The following GFRA1 variants were observed in gnomAD, a reference collection of about 807,000 sequenced individuals.
The protein encoded by GFRA1 is GDNF family receptor alpha-1.
Under a neutral mutation model 51.6 loss-of-function variants are expected in GFRA1, and 16 were observed. The observed-to-expected ratio is 0.31, with a 90% CI of 0.21 to 0.47. GFRA1 has a LOEUF of 0.47. Among genes scored for constraint, GFRA1 ranks in the 20% least tolerant of loss-of-function variants. The probability of loss-of-function intolerance (pLI) is 1.00; values close to 1 mark genes in which losing one functional copy is unlikely to be tolerated. For synonymous variants in GFRA1, 270 were observed against 241.3 expected (o/e 1.12, Z -1.10); for missense variants, 530 against 594.3 (o/e 0.89, Z 1.13).
At chr10:116,197,435 A>C (rs1963975958) in intron 5 of GFRA1, among the ~76,000 whole-genome samples, 1 of 151,998 alleles carries the variant, frequency 6.6e-6, no homozygotes, top group Admixed American at 6.5e-5. Context: ...AAGCTACCCA[A>C]TTTATGGTAT....
chr10:116,200,126 G>A (rs1589866735), intron 5 of GFRA1, among the ~76,000 whole-genome samples: 2 of 152,132 alleles, frequency 1.3e-5, no homozygotes, highest in South Asian at 4.1e-4. Flanking sequence ...ATGGACACCT[G>A]GACTATTTCC....
At chr10:116,266,171 A>C (rs1186121536) in intron 4 of GFRA1, among the ~76,000 whole-genome samples, 1 of 152,192 alleles carries the variant, frequency 6.6e-6, no homozygotes, top group Non-Finnish European at 1.5e-5. Context: ...ATGGAAACAC[A>C]AGAACGTCAA....
chr10:116,256,589 T>TC (rs1589916983), intron 4 of GFRA1, among the ~76,000 whole-genome samples: 1 of 145,264 alleles, frequency 6.9e-6, no homozygotes, highest in African/African-American at 2.5e-5. Flanking sequence ...CAGCCCTCCC[T>TC]CCCTTCCTCC....
At chr10:116,195,740 C>A (rs186003209) in intron 5 of GFRA1, among the ~76,000 whole-genome samples, 15 of 152,304 alleles carry the variant, frequency 9.8e-5, no homozygotes, top group African/African-American at 3.1e-4. Context: ...TAAGAGAAAT[C>A]AGCATTTGGG....
intron 5 of GFRA1, among the ~76,000 whole-genome samples, chr10:116,161,182 T>C (rs145490284): frequency 6.6e-6 from 1 of 152,304 alleles, no homozygotes; most frequent in African/African-American, 2.4e-5. Context: ...GACAGGCATC[T>C]TGAAGCACAG....
chr10:116,139,017 C>T (rs948944368), intron 5 of GFRA1, among the ~76,000 whole-genome samples: 4 of 152,258 alleles, frequency 2.6e-5, no homozygotes, highest in South Asian at 4.1e-4. Flanking sequence ...ACAGGAATTG[C>T]GGAGTAAATT....
chr10:116,232,242 C>T (rs1191675855), intron 4 of GFRA1, among the ~76,000 whole-genome samples: 2 of 152,116 alleles, frequency 1.3e-5, no homozygotes, highest in African/African-American at 4.8e-5. Flanking sequence ...TGAGCAAAAA[C>T]ACCAGTGATT....
At chr10:116,074,653 A>T (rs1006431935) in intron 9 of GFRA1, among the ~76,000 whole-genome samples, 8 of 151,946 alleles carry the variant, frequency 5.3e-5, no homozygotes, top group Non-Finnish European at 1.2e-4. Flanking sequence ...CCTGGGGAAA[A>T]CTCCCAAAAT....
chr10:116,251,888 G>C (rs1968396997), intron 4 of GFRA1, among the ~76,000 whole-genome samples: 1 of 151,880 alleles, frequency 6.6e-6, no homozygotes, highest in African/African-American at 2.4e-5. Flanking sequence ...ATGGGCAGGA[G>C]GGAGGGCAAA....
chr10:116,245,123 T>C (rs2134658208), intron 4 of GFRA1, among the ~76,000 whole-genome samples: 1 of 152,266 alleles, frequency 6.6e-6, no homozygotes, highest in East Asian at 1.9e-4. Flanking sequence ...TATTCAAGAA[T>C]GAAGACCAAA....
At chr10:116,177,546 A>G (rs1961748254) in intron 5 of GFRA1, among the ~76,000 whole-genome samples, 1 of 152,168 alleles carries the variant, frequency 6.6e-6, no homozygotes. Flanking sequence ...GGCTGTTGTC[A>G]TAACACAGGT....
intron 5 of GFRA1, among the ~76,000 whole-genome samples, chr10:116,182,776 C>G (rs186139136): frequency 6.6e-6 from 1 of 152,312 alleles, no homozygotes; most frequent in Admixed American, 6.5e-5. Flanking sequence ...ACCCAGGTCC[C>G]TTCTTAGATG....
intron 4 of GFRA1, among the ~76,000 whole-genome samples, chr10:116,220,009 G>A (rs766578123): frequency 2.6e-5 from 4 of 152,008 alleles, no homozygotes; most frequent in Non-Finnish European, 2.9e-5. Flanking sequence ...TCTAAAGCAC[G>A]ATGTTTTTAA....
chr10:116,080,808 C>G (rs1955817126), intron 9 of GFRA1, among the ~76,000 whole-genome samples: 1 of 152,140 alleles, frequency 6.6e-6, no homozygotes, highest in Admixed American at 6.5e-5. Context: ...TTCCTGATCC[C>G]CATGGTGTGG....
At chr10:116,153,573 T>C (rs1185532766) in intron 5 of GFRA1, among the ~76,000 whole-genome samples, 2 of 152,220 alleles carry the variant, frequency 1.3e-5, no homozygotes, top group African/African-American at 4.8e-5. Flanking sequence ...CTTCCATTTA[T>C]TTGAGAATCC....
chr10:116,207,219 C>G (rs2463160), intron 5 of GFRA1, among the ~76,000 whole-genome samples: 37,568 of 152,180 alleles, frequency 0.25, 4,848 homozygotes, highest in African/African-American at 0.31. Flanking sequence ...TGGCCAAACT[C>G]CCCCTGCAAA....
intron 4 of GFRA1, among the ~76,000 whole-genome samples, chr10:116,253,130 G>A (rs970958929): frequency 4.6e-5 from 7 of 152,180 alleles, no homozygotes; most frequent in African/African-American, 1.4e-4. Context: ...GGAGGGCTTC[G>A]CAAAAATCAG....
intron 4 of GFRA1, among the ~76,000 whole-genome samples, chr10:116,221,450 A>T (rs1965918098): frequency 6.6e-6 from 1 of 152,172 alleles, no homozygotes; most frequent in Non-Finnish European, 1.5e-5. Context: ...TTAAAGACAG[A>T]GTCTCACTCT....
chr10:116,162,463 C>G (rs1234781026), intron 5 of GFRA1, among the ~76,000 whole-genome samples: 1 of 152,178 alleles, frequency 6.6e-6, no homozygotes, highest in Non-Finnish European at 1.5e-5. Context: ...CAGGACTTCC[C>G]ACCCTCAACT....
Sources: gnomAD v4.1 joint callset for allele counts (sites outside exome capture counted in the v4.1 genomes callset) on GRCh38, gnomAD v4.1.1 for gene constraint, MANE v1.5 for transcripts, NCBI Gene and HGNC (gene_info 2026-07-23, HGNC 2026-07-21) for gene names.